CEACAM20: variants seen among roughly 807,000 people sequenced by gnomAD.
CEACAM20 encodes CEA cell adhesion molecule 20, also known as cell adhesion molecule CEACAM20.
A neutral mutation model predicts 61.2 loss-of-function variants in CEACAM20; 50 were observed. The ratio of observed to expected loss-of-function variants is 0.82; its 90% CI spans 0.65 to 1.03. The LOEUF (loss-of-function observed/expected upper bound fraction) is 1.03, where lower values mean the gene tolerates loss of function less well. Among genes scored for constraint, CEACAM20 ranks in the 50% least tolerant of loss-of-function variants. The pLI is 0.00. For missense variants in CEACAM20, 683 were observed against 736.4 expected, an observed-to-expected ratio of 0.93 and a Z score of 0.84; for synonymous variants, 282 against 287.7, an observed-to-expected ratio of 0.98 and a Z score of 0.20.
At chr19:44,511,937 G>A in intron 9 of CEACAM20, 80 bp downstream of exon 9, 4 of 1,351,068 alleles carry the variant, frequency 3.0e-6, no homozygotes, top group Non-Finnish European at 4.1e-6. Context: ...AAAAGATCAT[G>A]CCAGCCCCCA....
At chr19:44,518,176 AGGCAGGCAGGCAGGCAGGCAGGCAAG>A (rs1971248259) in intron 5 of CEACAM20, among the ~76,000 whole-genome samples, 1 of 125,844 alleles carries the variant, frequency 7.9e-6, no homozygotes, top group African/African-American at 3.1e-5. Flanking sequence ...GGAAGAAAGC[AGGCAGGCAGGCAGGCAGGCAGGCAAG>A]AAGGAAGGAA....
rs116606206 is a variant in CEACAM20, at chr19:44,506,589, G to C, written c.1738-375C>G. On this transcript the variant is annotated intron_variant, in intron 11 of 11. Transcript: ENST00000614924. ...TCTGTTACATAAGATTATGACTTCT[G>C]TCTTGGCTTGAAGAAGCAAGATGCA... Among the ~76,000 whole-genome samples the C allele has an allele frequency of 4.7e-3, 714 of 152,344 alleles. 5 individuals are homozygous for C. Among genetic ancestry groups the C allele is most frequent in the African/African-American group, 0.016 (656 of 41,576 alleles).
rs1366931550 is a variant in CEACAM20, at chr19:44,511,135, G to A, written c.1632C>T (p.Ser544=). Residue 544 remains serine, a synonymous_variant, in exon 11 of 12, where the codon AGC becomes AGT. Coordinates refer to ENST00000614924, the MANE Select transcript of CEACAM20 (RefSeq NM_001102597.3). The part of the protein sequence containing the change: ...ETYETKLPSA[S]RRGNSFSPWK... ...AGGGGCTGAAAGAATTGCCTCTACG[G>A]CTTGCTGAAGGCAGCTTCGTCTGCA... 6.2e-7 allele frequency: 1 copy of A among 1,613,876 alleles called. No individual in the cohort carries two copies. Among genetic ancestry groups the A allele is most frequent in the Non-Finnish European group, 8.5e-7 (1 of 1,179,844 alleles).
At chr19:44,516,262 C>A (rs1484862241) in intron 6 of CEACAM20, among the ~76,000 whole-genome samples, 1 of 152,184 alleles carries the variant, frequency 6.6e-6, no homozygotes, top group Non-Finnish European at 1.5e-5. Context: ...CTCACTCCTT[C>A]CCTCACTGGG....
At chr19:44,528,990 G>C (rs555201708) in intron 1 of CEACAM20, among the ~76,000 whole-genome samples, 1 of 101,576 alleles carries the variant, frequency 9.8e-6, no homozygotes, top group South Asian at 3.4e-4. Flanking sequence ...ACAGGGTCTT[G>C]CTGTGTCACT....
intron 3 of CEACAM20, among the ~76,000 whole-genome samples, chr19:44,523,618 T>TG (rs1003565975): frequency 2.0e-5 from 3 of 151,966 alleles, no homozygotes; most frequent in African/African-American, 7.2e-5. Flanking sequence ...GATCTTGGTA[T>TG]GTTGCCCTGA....
intron 11 of CEACAM20, among the ~76,000 whole-genome samples, chr19:44,506,678 A>G (rs1293285806): frequency 6.6e-6 from 1 of 152,234 alleles, no homozygotes; most frequent in East Asian, 1.9e-4. Flanking sequence ...TCCAGCTGAC[A>G]GTAAGAAACT....
chr19:44,510,611 A>AGGAAGGAAGGAAGG (rs71171251), intron 11 of CEACAM20, among the ~76,000 whole-genome samples: 23 of 72,414 alleles, frequency 3.2e-4, no homozygotes, highest in African/African-American at 1.1e-3. Context: ...AAAGAAAGAA[A>AGGAAGGAAGGAAGG]AAGGAAGGAA....
chr19:44,510,909 GA>G, intron 11 of CEACAM20, 120 bp downstream of exon 11: 1 of 1,193,696 alleles, frequency 8.4e-7, no homozygotes, highest in Non-Finnish European at 1.2e-6. Flanking sequence ...ATGGAATTGA[GA>G]AGATTTTTAA....
chr19:44,525,270 A>T (rs200305313), intron 1 of CEACAM20, 26 bp from the exon 2 acceptor site: 44 of 1,551,784 alleles, frequency 2.8e-5, no homozygotes, highest in Non-Finnish European at 3.7e-5. Flanking sequence ...GGAGGCATTC[A>T]GGGAGGGAGA....
At chr19:44,512,635 A>G (rs1599667178) in intron 8 of CEACAM20, among the ~76,000 whole-genome samples, 1 of 152,354 alleles carries the variant, frequency 6.6e-6, no homozygotes, top group Admixed American at 6.5e-5. Context: ...GAGAAAGGAG[A>G]GAATTCCAGC....
rs767476207 is a variant in CEACAM20 at position 44,517,233 on chromosome 19, A to T, written c.1031-9T>A. 16 of 1,600,626 alleles carry T rather than the reference A, an allele frequency of 1.0e-5. No individual in the cohort carries two copies. The highest frequency in any genetic ancestry group is 8.5e-6 in the Non-Finnish European group (10 of 1,177,804). The stretch of plus-strand genomic sequence containing the variant: ...CACTTGGTCAGGACCATCTGTGTGT[A>T]AAGCCAAACGTGATGCACCCTGGCC... On this transcript the variant is annotated splice_polypyrimidine_tract_variant and intron_variant, in intron 5 of 11. Transcript: ENST00000614924.
chr19:44,514,197 T>C (rs1971089264), intron 6 of CEACAM20, among the ~76,000 whole-genome samples: 1 of 152,196 alleles, frequency 6.6e-6, no homozygotes, highest in Admixed American at 6.5e-5. Context: ...TTTGCAAAGA[T>C]GAGATGAAAT....
intron 4 of CEACAM20, among the ~76,000 whole-genome samples, chr19:44,521,140 G>A (rs1312594094): frequency 6.6e-6 from 1 of 152,192 alleles, no homozygotes; most frequent in African/African-American, 2.4e-5. Context: ...TTCTGTGTCT[G>A]TGGTATTGTT....
intron 8 of CEACAM20, among the ~76,000 whole-genome samples, 168 bp from the exon 9 acceptor site, chr19:44,512,246 TG>T (rs1971024585): frequency 6.6e-6 from 1 of 152,190 alleles, no homozygotes; most frequent in African/African-American, 2.4e-5. Flanking sequence ...AATCAAGGTC[TG>T]GGTTAGGTAA....
At chr19:44,528,234 C>G (rs1280243648) in intron 1 of CEACAM20, among the ~76,000 whole-genome samples, 3 of 129,106 alleles carry the variant, frequency 2.3e-5, no homozygotes, top group African/African-American at 9.1e-5. Context: ...TTTCTTTCTT[C>G]TTTTTCTTTT....
At chr19:44,515,278 T>A (rs1038512671) in intron 6 of CEACAM20, among the ~76,000 whole-genome samples, 1 of 151,926 alleles carries the variant, frequency 6.6e-6, no homozygotes, top group African/African-American at 2.4e-5. Context: ...TCTAGCAAGC[T>A]CTAAGCACCA....
Position 44,529,354 on chromosome 19 carries a change from G to GCACACA in CEACAM20, c.52+98_52+103dup, listed in dbSNP as rs71940010. 7.8e-3 allele frequency: 5,151 copies of GCACACA among 659,758 alleles called. 73 individuals carry two copies. The highest frequency in any genetic ancestry group is 0.047 in the African/African-American group (2,327 of 49,220). The allele number at this position is 659,758 out of a possible 1,614,324, so 40.9% of individuals were successfully genotyped here. A position where few individuals can be genotyped will look rare whatever the true frequency, so the allele number is the denominator to read the frequency against. ...TGCCTCCATCTCTTTTTCCTCGAGT[G>GCACACA]CACACACACACACACACACACACAC... is the stretch of plus-strand genomic sequence containing the variant. On this transcript the variant is annotated intron_variant, in intron 1 of 11. Coordinates refer to ENST00000614924, the MANE Select transcript of CEACAM20 (RefSeq NM_001102597.3).
Position 44,524,248 on chromosome 19 carries a change from G to T in CEACAM20, c.210C>A (p.Pro70=). Reference sequence around the variant, plus strand: ...CAGTGCCTGGGCTGACTGCAATGGAGGGTTTGGCCAGCTCTGAAAGCAAGC... The same window carrying T: ...CAGTGCCTGGGCTGACTGCAATGGATGGTTTGGCCAGCTCTGAAAGCAAGC... ...IHGRSRELAK[P]SIAVSPGTAI... Residue 70 remains proline (P), a synonymous_variant, in exon 3 of 12, where the codon CCC becomes CCA. Coordinates refer to ENST00000614924, the MANE Select transcript of CEACAM20 (RefSeq NM_001102597.3). 1 of 1,612,674 alleles carries T rather than the reference G, an allele frequency of 6.2e-7. No homozygotes were observed. Among genetic ancestry groups the T allele is most frequent in the Non-Finnish European group, 8.5e-7 (1 of 1,179,044 alleles).
Sources: gnomAD v4.1 joint callset for allele counts (sites outside exome capture counted in the v4.1 genomes callset) on GRCh38, gnomAD v4.1.1 for gene constraint, MANE v1.5 for transcripts, NCBI Gene and HGNC (gene_info 2026-07-23, HGNC 2026-07-21) for gene names.